KCNH3: variants seen among roughly 807,000 people sequenced by gnomAD.
KCNH3 encodes the protein voltage-gated inwardly rectifying potassium channel KCNH3.
KCNH3 carries 36 observed loss-of-function variants against 95.6 expected under a neutral mutation model. The ratio of observed to expected loss-of-function variants is 0.38; its 90% CI spans 0.29 to 0.50. The LOEUF is 0.50. Ranked by LOEUF, KCNH3 falls within the 20% of genes least tolerant of loss-of-function variation. KCNH3 has a pLI of 0.95. For missense variants in KCNH3, 1,030 were observed against 1,484.1 expected (o/e 0.69, Z 5.03); for synonymous variants, 620 against 646.3 (o/e 0.96, Z 0.62).
chr12:49,541,513 C>G (rs1360234724), intron 2 of KCNH3, 117 bp from the exon 3 acceptor site: 1 of 1,264,370 alleles, frequency 7.9e-7, no homozygotes, highest in Non-Finnish European at 1.1e-6. Flanking sequence ...AGCCCTTCCC[C>G]CAGGAAACCG....
In KCNH3 at chr12:49,557,764, T is replaced by C; in HGVS notation, c.3063T>C (p.Ser1021=). Reference sequence around the variant, plus strand: ...GCACCCCTGCCTCCCCTCCTCCTTCTGAGGAAGGGGCTAGGACTGGGCCCG... The same window carrying C: ...GCACCCCTGCCTCCCCTCCTCCTTCCGAGGAAGGGGCTAGGACTGGGCCCG... ...EPSTPASPPP[S]EEGARTGPAE... is the part of the protein sequence containing the mutation. Residue 1021 remains serine (S), a synonymous_variant, in exon 15 of 15, where the codon TCT becomes TCC. Coordinates refer to ENST00000257981, the MANE Select transcript of KCNH3 (RefSeq NM_012284.3). 2 of 1,612,218 alleles carry C rather than the reference T, an allele frequency of 1.2e-6. No individual in the cohort carries two copies. Among genetic ancestry groups the C allele is most frequent in the Non-Finnish European group, 1.7e-6 (2 of 1,179,266 alleles).
chr12:49,539,430 G>T lies in KCNH3; in HGVS notation c.14G>T (p.Arg5Leu), dbSNP rs752900861. The change falls in exon 1 of 15, where the codon CGG becomes CTG. Residue 5 changes from arginine to leucine, a missense_variant. By Grantham distance (102) the Arg-to-Leu change is moderately radical (BLOSUM62 -2). This residue lies in a region of KCNH3 where 26 missense variants were observed against 35.1 expected (regional missense o/e 0.74). Transcript: ENST00000257981. The surrounding 1 kb of genome is among the most constrained non-coding windows in gnomAD (Gnocchi z 6.7). ...CGGGCGCCTAAGATGCCGGCCATGC[G>T]GGGCCTCCTGGCGCCGCAGAACACC... MPAM[R>L]GLLAPQNTFL... 2.6e-6 allele frequency: 4 copies of T among 1,563,312 alleles called. No homozygotes were observed. Among genetic ancestry groups the T allele is most frequent in the Non-Finnish European group, 3.5e-6 (4 of 1,158,762 alleles).
chr12:49,541,249 C>A, intron 2 of KCNH3, 117 bp downstream of exon 2: 3 of 762,872 alleles, frequency 3.9e-6, no homozygotes, highest in Non-Finnish European at 6.4e-6. Context: ...CCCATGTCAT[C>A]CCATCTTCCC....
chr12:49,541,845 G>T, intron 3 of KCNH3, 81 bp downstream of exon 3: 4 of 1,514,142 alleles, frequency 2.6e-6, no homozygotes, highest in Non-Finnish European at 3.6e-6. Context: ...CTGAGTACGG[G>T]GGTCCCCCAT....
At position 49,554,571 on chromosome 12, in the gene KCNH3, T is replaced by C. The variant is rs1448847322; in HGVS notation, c.2136+17T>C. The C allele has an allele frequency of 1.9e-6, 3 of 1,600,760 alleles. No individual in the cohort carries two copies. The highest frequency in any genetic ancestry group is 2.6e-6 in the Non-Finnish European group (3 of 1,170,654). On this transcript the variant is annotated intron_variant, in intron 11 of 14. Transcript: ENST00000257981. ...TCTGCAGAGGTGAGTGTGCTGAGTATGTGCTTGGAGGGGATGGGGGTGCCA... is the reference window on the plus strand; with the variant it reads ...TCTGCAGAGGTGAGTGTGCTGAGTACGTGCTTGGAGGGGATGGGGGTGCCA...
At chr12:49,541,246 C>A in intron 2 of KCNH3, 114 bp downstream of exon 2, 1 of 791,016 alleles carries the variant, frequency 1.3e-6, no homozygotes, top group Non-Finnish European at 2.0e-6. Flanking sequence ...CTCCCCATGT[C>A]ATCCCATCTT....
intron 7 of KCNH3, 63 bp downstream of exon 7, chr12:49,544,445 G>A (rs1937990253): frequency 6.5e-7 from 1 of 1,527,314 alleles, no homozygotes; most frequent in Admixed American, 1.7e-5. Context: ...GTGAGTGCCA[G>A]CGTGGGTGCA....
intron 6 of KCNH3, 50 bp downstream of exon 6, chr12:49,544,122 C>T (rs1017697919): frequency 1.2e-6 from 2 of 1,604,590 alleles, no homozygotes; most frequent in South Asian, 2.2e-5. Context: ...AGGGGACAGG[C>T]AGGGCCGGCC....
intron 12 of KCNH3, 169 bp from the exon 13 acceptor site, chr12:49,556,201 A>G (rs1243591054): frequency 1.1e-5 from 7 of 628,090 alleles, no homozygotes; most frequent in Admixed American, 8.5e-5. Flanking sequence ...CCCCCCAGCT[A>G]AACTGTAAGC....
Position 49,554,416 on chromosome 12 carries a change from G to T in KCNH3, c.1998G>T (p.Thr666=), listed in dbSNP as rs745400129. ...CCAATGCCGACGTGAAGGGGCTGAC[G>T]TACTGCGTCCTGCAGTGTCTGCAGC... is the stretch of plus-strand genomic sequence containing the variant. ...VKANADVKGL[T]YCVLQCLQLA... Residue 666 remains threonine (T), a synonymous_variant, in exon 11 of 15, where the codon ACG becomes ACT. Transcript: ENST00000257981. 3 of 1,613,050 alleles carry T rather than the reference G, an allele frequency of 1.9e-6. No individual in the cohort carries two copies. Among genetic ancestry groups the T allele is most frequent in the Non-Finnish European group, 2.5e-6 (3 of 1,180,044 alleles).
chr12:49,550,452 T>G, intron 10 of KCNH3, 123 bp downstream of exon 10: 1 of 1,270,564 alleles, frequency 7.9e-7, no homozygotes, highest in Non-Finnish European at 1.1e-6. Context: ...CAGGGTGGAG[T>G]CAGGAGTAGT....
At chr12:49,556,225 G>T (rs747335344) in intron 12 of KCNH3, 145 bp from the exon 13 acceptor site, 11 of 681,126 alleles carry the variant, frequency 1.6e-5, no homozygotes, top group Non-Finnish European at 2.6e-5. Flanking sequence ...TAGGGGAAGG[G>T]ACCCCATGTT....
rs763960696 is a variant in KCNH3, at chr12:49,550,185, C to A, written c.1774C>A (p.Arg592=). 2.8e-5 allele frequency: 45 copies of A among 1,609,434 alleles called. No individual in the cohort carries two copies. The East Asian group carries it at 9.8e-4, about 35-fold the overall frequency. ...LFEAASRGCL[R]ALSLALRPAF... is the part of the protein sequence containing the mutation. The stretch of plus-strand genomic sequence containing the variant: ...TGAGGCGGCCAGCCGCGGCTGCCTG[C>A]GGGCACTGTCTCTGGCCCTGCGGCC... Residue 592 remains arginine (R), a synonymous_variant, in exon 10 of 15, where the codon CGG becomes AGG. Coordinates refer to ENST00000257981, the MANE Select transcript of KCNH3 (RefSeq NM_012284.3).
At chr12:49,546,537 TGTGGACAGA>T (rs1465637684) in intron 7 of KCNH3, among the ~76,000 whole-genome samples, 2 of 152,176 alleles carry the variant, frequency 1.3e-5, no homozygotes, top group Non-Finnish European at 2.9e-5. Context: ...CTGCCCATGA[TGTGGACAGA>T]GTTCCTTCCC....
At chr12:49,541,199 CA>C in intron 2 of KCNH3, 67 bp downstream of exon 2, 1 of 1,148,500 alleles carries the variant, frequency 8.7e-7, no homozygotes, top group South Asian at 1.4e-5. Context: ...CAGCCCCATC[CA>C]CTGTCCCTCC....
At position 49,548,982 on chromosome 12, in the gene KCNH3, G is replaced by A. The variant is rs758058504; in HGVS notation, c.1277G>A (p.Ser426Asn). 6.2e-7 allele frequency: 1 copy of A among 1,610,872 alleles called. No individual in the cohort carries two copies. ...RPAGGNSSGQ[S>N]DNCSSSSEAN... ...GCTGGAGGGAACAGCTCCGGCCAGA[G>A]TGACAACTGCAGCAGCAGCAGCGAG... is the stretch of plus-strand genomic sequence containing the variant. The change falls in exon 8 of 15, where the codon AGT becomes AAT. Residue 426 changes from serine to asparagine, a missense_variant. Ser to Asn is a conservative substitution (Grantham distance 46). Around this residue, in one of 9 missense-constraint regions of KCNH3, gnomAD observed 50 missense variants for 41.0 expected, o/e 1.22. Coordinates refer to ENST00000257981, the MANE Select transcript of KCNH3 (RefSeq NM_012284.3).
chr12:49,554,663 T>G, intron 11 of KCNH3, 109 bp downstream of exon 11: 2 of 959,288 alleles, frequency 2.1e-6, no homozygotes, highest in South Asian at 3.0e-5. Context: ...TGGCCTGGTA[T>G]GAAAGCTCCC....
intron 12 of KCNH3, 124 bp downstream of exon 12, chr12:49,556,075 C>G (rs1938431852): frequency 3.3e-6 from 2 of 609,900 alleles, no homozygotes; most frequent in Admixed American, 3.0e-5. Flanking sequence ...GTGGGCCAAG[C>G]CTGCCTCCTC....
Position 49,557,201 on chromosome 12 carries a change from T to G in KCNH3, c.2594T>G (p.Val865Gly). The G allele has an allele frequency of 6.2e-7, 1 of 1,613,626 alleles. No individual in the cohort carries two copies. Among genetic ancestry groups the G allele is most frequent in the Non-Finnish European group, 8.5e-7 (1 of 1,179,888 alleles). The change falls in exon 14 of 15, where the codon GTT (valine) becomes GGT (glycine). Residue 865 changes from valine (V) to glycine (G), a missense_variant. This residue lies in a region of KCNH3 where 464 missense variants were observed against 493.2 expected (regional missense o/e 0.94). Transcript: ENST00000257981. ...SPGPESGLLTVPHGPSEARNT... is the reference protein window; with the variant it reads ...SPGPESGLLTGPHGPSEARNT... Reference sequence around the variant, plus strand: ...CCCACAGAGAGCGGCCTGCTCACTGTTCCCCATGGGCCCAGCGAGGCAAGG... The same window carrying G: ...CCCACAGAGAGCGGCCTGCTCACTGGTCCCCATGGGCCCAGCGAGGCAAGG...
Sources: allele counts gnomAD v4.1 joint callset (sites outside exome capture counted in the v4.1 genomes callset), GRCh38; gene constraint gnomAD v4.1.1; regional missense constraint gnomAD v4.1.1; non-coding constraint Gnocchi (gnomAD v3.1); transcripts MANE v1.5; gene names NCBI Gene and HGNC (gene_info 2026-07-23, HGNC 2026-07-21).